The following PPHLN1 variants were observed in gnomAD, a reference collection of about 807,000 sequenced individuals.
PPHLN1 encodes the protein periphilin-1.
In PPHLN1, 29 loss-of-function variants were observed where a neutral mutation model predicts 51.3. The ratio of observed to expected loss-of-function variants is 0.57; its 90% confidence interval spans 0.42 to 0.77. The LOEUF (loss-of-function observed/expected upper bound fraction) is 0.77, where lower values mean the gene tolerates loss of function less well. Ranked by LOEUF, PPHLN1 falls within the 30% of genes least tolerant of loss-of-function variation. The probability of loss-of-function intolerance (pLI) is 0.00; values close to 1 mark genes in which losing one functional copy is unlikely to be tolerated. For missense variants in PPHLN1, 436 were observed against 438.4 expected (o/e 0.99, Z 0.05); for synonymous variants, 147 against 147.8 (o/e 0.99, Z 0.04).
At chr12:42,440,161 T>C (rs900548505) in intron 9 of PPHLN1, among the ~76,000 whole-genome samples, 6 of 151,106 alleles carry the variant, frequency 4.0e-5, no homozygotes, top group Non-Finnish European at 5.9e-5. Flanking sequence ...CTTCTTTCAT[T>C]GGTATTTTAT....
intron 6 of PPHLN1, 198 bp from the exon 7 acceptor site, chr12:42,387,258 C>T: frequency 2.1e-6 from 1 of 467,928 alleles, no homozygotes; most frequent in Non-Finnish European, 3.6e-6. Context: ...TCCTTTGGTT[C>T]CAGGTTATTT....
intron 6 of PPHLN1, 68 bp from the exon 7 acceptor site, chr12:42,387,387 AT>A (rs1328729846): frequency 1.2e-5 from 18 of 1,507,950 alleles, no homozygotes; most frequent in Non-Finnish European, 1.6e-5. Context: ...CATTAATTCC[AT>A]TACAAAATTA....
intron 9 of PPHLN1, among the ~76,000 whole-genome samples, chr12:42,440,998 T>C (rs537317062): frequency 6.6e-6 from 1 of 152,354 alleles, no homozygotes; most frequent in East Asian, 1.9e-4. Context: ...TCCCTAGCCT[T>C]TGTTCTTATT....
At chr12:42,344,127 G>T (rs570704271) in intron 2 of PPHLN1, among the ~76,000 whole-genome samples, 1 of 152,312 alleles carries the variant, frequency 6.6e-6, no homozygotes, top group African/African-American at 2.4e-5. Context: ...TATTATGGAT[G>T]TGGTGCTTAC....
intron 9 of PPHLN1, among the ~76,000 whole-genome samples, chr12:42,406,816 A>G (rs1420157025): frequency 6.6e-6 from 1 of 152,100 alleles, no homozygotes; most frequent in Non-Finnish European, 1.5e-5. Context: ...TAAAATTTCT[A>G]GAAGCTTTTT....
chr12:42,412,296 C>T (rs1465745223), intron 9 of PPHLN1, among the ~76,000 whole-genome samples: 1 of 152,102 alleles, frequency 6.6e-6, no homozygotes, highest in South Asian at 2.1e-4. Flanking sequence ...ACTCTGTCTG[C>T]CTTCGCATAC....
downstream of PPHLN1, chr12:42,447,866 T>G (rs941937867): frequency 6.6e-6 from 1 of 152,230 alleles, no homozygotes; most frequent in Non-Finnish European, 1.5e-5. Flanking sequence ...AATTTTTTTT[T>G]AATTTCCTAA....
At chr12:42,379,255 A>G (rs958150351) in intron 5 of PPHLN1, among the ~76,000 whole-genome samples, 12 of 151,978 alleles carry the variant, frequency 7.9e-5, no homozygotes, top group Admixed American at 4.6e-4. Context: ...AACTGTTAGT[A>G]TTTCTTTTGA....
At chr12:42,366,364 A>G (rs1346222988) in intron 4 of PPHLN1, among the ~76,000 whole-genome samples, 1 of 150,528 alleles carries the variant, frequency 6.6e-6, no homozygotes, top group African/African-American at 2.5e-5. Context: ...AGTAGTTGGG[A>G]TTACAGGCGT....
At chr12:42,327,673 T>A (rs1411883301) in intron 1 of PPHLN1, among the ~76,000 whole-genome samples, 1 of 152,240 alleles carries the variant, frequency 6.6e-6, no homozygotes, top group African/African-American at 2.4e-5. Context: ...GTATCTTAAT[T>A]GCTTCTTTGC....
chr12:42,412,850 A>C (rs1043754014), intron 9 of PPHLN1, among the ~76,000 whole-genome samples: 1 of 151,802 alleles, frequency 6.6e-6, no homozygotes, highest in Non-Finnish European at 1.5e-5. Context: ...CGTTGTTTTA[A>C]TTTGCATTTC....
intron 9 of PPHLN1, among the ~76,000 whole-genome samples, chr12:42,426,684 A>G (rs1162336813): frequency 1.3e-5 from 2 of 152,218 alleles, no homozygotes; most frequent in Admixed American, 1.3e-4. Context: ...ATTGTAACCC[A>G]CAGCCATCCT....
chr12:42,383,771 G>C (rs933268218), intron 5 of PPHLN1, among the ~76,000 whole-genome samples: 2 of 151,978 alleles, frequency 1.3e-5, no homozygotes, highest in African/African-American at 4.8e-5. Flanking sequence ...ACGAGGTTAG[G>C]AGTTCAAGAC....
At chr12:42,397,973 C>CA (rs1555207538) in intron 8 of PPHLN1, among the ~76,000 whole-genome samples, 5 of 147,068 alleles carry the variant, frequency 3.4e-5, no homozygotes, top group East Asian at 2.1e-4. Context: ...CCGCCTGCCT[C>CA]GGGTTTTTTT....
At chr12:42,373,907 G>A (rs182599342) in intron 4 of PPHLN1, among the ~76,000 whole-genome samples, 4 of 152,282 alleles carry the variant, frequency 2.6e-5, no homozygotes, top group East Asian at 1.9e-4. Context: ...GGGTTTCTCA[G>A]TGTTGGCATT....
chr12:42,328,257 A>G (rs182623224), intron 1 of PPHLN1, among the ~76,000 whole-genome samples: 2 of 152,352 alleles, frequency 1.3e-5, no homozygotes, highest in Non-Finnish European at 2.9e-5. Context: ...TGGCACAGTA[A>G]GGAAACAGGC....
intron 9 of PPHLN1, among the ~76,000 whole-genome samples, chr12:42,418,044 A>G (rs1474324317): frequency 7.1e-6 from 1 of 140,032 alleles, no homozygotes; most frequent in South Asian, 2.3e-4. Flanking sequence ...GGTTCACGCC[A>G]TTCTCCTGCC....
chr12:42,429,870 A>G (rs571359043), intron 9 of PPHLN1, among the ~76,000 whole-genome samples: 1 of 152,204 alleles, frequency 6.6e-6, no homozygotes, highest in Non-Finnish European at 1.5e-5. Flanking sequence ...TTGTATACCC[A>G]TCACCTGGAT....
intron 6 of PPHLN1, 86 bp from the exon 7 acceptor site, chr12:42,387,370 A>G: frequency 7.2e-7 from 1 of 1,395,758 alleles, no homozygotes; most frequent in East Asian, 2.4e-5. Context: ...TAAGTGTATG[A>G]CCCCCACATT....
Sources: gnomAD v4.1 joint callset for allele counts (sites outside exome capture counted in the v4.1 genomes callset) on GRCh38, gnomAD v4.1.1 for gene constraint, MANE v1.5 for transcripts, NCBI Gene and HGNC (gene_info 2026-07-23, HGNC 2026-07-21) for gene names.